Variants in CNDP1 observed in about 807,000 individuals in gnomAD.
CNDP1 encodes carnosine dipeptidase 1.
In CNDP1, 44 loss-of-function variants were observed where a neutral mutation model predicts 58.1. The ratio of observed to expected loss-of-function variants is 0.76; its 90% CI spans 0.60 to 0.97. The LOEUF is 0.97. Ranked by LOEUF, CNDP1 falls within the 50% of genes least tolerant of loss-of-function variation. The pLI is 0.00. For synonymous variants in CNDP1, 254 were observed against 252.6 expected (o/e 1.01, Z -0.05); for missense variants, 616 against 655.1 (o/e 0.94, Z 0.65).
chr18:74,583,858 T>G (rs1217992629), intron 11 of CNDP1, 150 bp downstream of exon 11: 3 of 773,630 alleles, frequency 3.9e-6, no homozygotes, highest in Non-Finnish European at 4.1e-6. Context: ...TTCCTCACAG[T>G]TCTGGAGCCT....
At chr18:74,546,500 G>A (rs577173595) in intron 1 of CNDP1, among the ~76,000 whole-genome samples, 6 of 152,154 alleles carry the variant, frequency 3.9e-5, no homozygotes, top group East Asian at 1.9e-4. Flanking sequence ...GTACTGTCTC[G>A]TGCCACCCCC....
chr18:74,572,790 C>CAAAAAAAAAA (rs56059264), intron 7 of CNDP1, among the ~76,000 whole-genome samples: 13 of 60,060 alleles, frequency 2.2e-4, no homozygotes, highest in Admixed American at 4.1e-4. Context: ...GACCCTGTAT[C>CAAAAAAAAAA]AAAAAAAAAA....
intron 1 of CNDP1, among the ~76,000 whole-genome samples, chr18:74,550,418 T>A (rs555547913): frequency 1.3e-5 from 2 of 152,296 alleles, no homozygotes; most frequent in East Asian, 3.9e-4. Context: ...ATTTACCCAA[T>A]GCCTCTACCC....
At chr18:74,575,637 G>A (rs960406926) in intron 7 of CNDP1, among the ~76,000 whole-genome samples, 4 of 152,096 alleles carry the variant, frequency 2.6e-5, no homozygotes, top group African/African-American at 9.7e-5. Flanking sequence ...TGTATACAGG[G>A]GATTTTGTGG....
At chr18:74,567,751 A>C (rs1295149825) in intron 6 of CNDP1, among the ~76,000 whole-genome samples, 4 of 152,168 alleles carry the variant, frequency 2.6e-5, no homozygotes, top group African/African-American at 9.7e-5. Flanking sequence ...AGCCACAGGG[A>C]GGTAAGCAGA....
intron 2 of CNDP1, among the ~76,000 whole-genome samples, chr18:74,557,104 G>C (rs1981063389): frequency 6.6e-6 from 1 of 152,036 alleles, no homozygotes; most frequent in Non-Finnish European, 1.5e-5. Context: ...TTTCAGTAGA[G>C]ACGGGATTTC....
chr18:74,539,604 C>T (rs1568289771), intron 1 of CNDP1, among the ~76,000 whole-genome samples: 1 of 152,228 alleles, frequency 6.6e-6, no homozygotes, highest in Non-Finnish European at 1.5e-5. Context: ...CATGGGCCCC[C>T]AAGCACCACC....
intron 1 of CNDP1, among the ~76,000 whole-genome samples, chr18:74,553,127 G>A (rs1202826565): frequency 6.6e-6 from 1 of 152,100 alleles, no homozygotes; most frequent in Non-Finnish European, 1.5e-5. Flanking sequence ...TTTTAATTGG[G>A]CTGTCTTTTA....
chr18:74,578,199 C>G lies in CNDP1; in HGVS notation c.1039C>G (p.Leu347Val), dbSNP rs1981681610. Residue 347 changes from leucine to valine, a missense_variant, in exon 9 of 12, where the codon CTT (leucine) becomes GTT (valine). By Grantham distance (32) the Leu-to-Val change is conservative (BLOSUM62 1). Transcript: ENST00000358821. ...AATGCACCTCTGGAGGTACCCATCT[C>G]TTTCTATTCATGGGATCGAGGGCGC... is the stretch of plus-strand genomic sequence containing the variant. ...ILMHLWRYPS[L>V]SIHGIEGAFD... 5 of 1,613,948 alleles carry G rather than the reference C, an allele frequency of 3.1e-6. No homozygotes were observed. The Middle Eastern group carries it at 6.6e-4, about 213-fold the overall frequency.
At chr18:74,578,087 G>GTAT (rs2144576591) in intron 8 of CNDP1, 76 bp from the exon 9 acceptor site, 1 of 1,329,274 alleles carries the variant, frequency 7.5e-7, no homozygotes, top group South Asian at 1.4e-5. Flanking sequence ...CAGAGAGGCA[G>GTAT]AGGGTGGTAA....
chr18:74,580,289 T>G lies in CNDP1; in HGVS notation c.1309+18T>G. 1 of 1,613,466 alleles carries G rather than the reference T, an allele frequency of 6.2e-7. No homozygotes were observed. The highest frequency in any genetic ancestry group is 8.5e-7 in the Non-Finnish European group (1 of 1,179,450). On this transcript the variant is annotated intron_variant, in intron 10 of 11. Transcript: ENST00000358821. ...CAGAACAGGTGGGACCTTAAGATCT[T>G]CTGACTGGCCAATCTGCACTGGGAC...
At chr18:74,568,781 T>A (rs1981394748) in intron 6 of CNDP1, among the ~76,000 whole-genome samples, 1 of 151,774 alleles carries the variant, frequency 6.6e-6, no homozygotes, top group East Asian at 1.9e-4. Flanking sequence ...AGAGAAGGGA[T>A]GGGAGGATGA....
chr18:74,547,789 C>T (rs146984594), intron 1 of CNDP1, among the ~76,000 whole-genome samples: 83 of 152,272 alleles, frequency 5.5e-4, no homozygotes, highest in Middle Eastern at 3.4e-3. Flanking sequence ...CCTCTCGCTT[C>T]GGGGGAAGGA....
intron 1 of CNDP1, among the ~76,000 whole-genome samples, chr18:74,542,556 T>C (rs1271768405): frequency 6.6e-6 from 1 of 151,970 alleles, no homozygotes; most frequent in Non-Finnish European, 1.5e-5. Context: ...CCCATCCACT[T>C]CAAGCAAAGC....
At chr18:74,571,884 G>A (rs72981726) in intron 7 of CNDP1, among the ~76,000 whole-genome samples, 3,123 of 152,230 alleles carry the variant, frequency 0.021, 36 homozygotes, top group South Asian at 0.07. Context: ...CCACCTGTAC[G>A]ACCTTGGTAA....
chr18:74,584,836 G>A lies in CNDP1; in HGVS notation c.*274G>A. 1 of 394,732 alleles carries A rather than the reference G, an allele frequency of 2.5e-6. No individual in the cohort carries two copies. 24.5% of individuals were successfully genotyped at this position (394,732 alleles called of 1,614,324 possible). A position where few individuals can be genotyped will look rare whatever the true frequency, so the allele number is the denominator to read the frequency against. On this transcript the variant is annotated 3_prime_UTR_variant, in exon 12 of 12. Coordinates refer to ENST00000358821, the MANE Select transcript of CNDP1 (RefSeq NM_032649.6). The stretch of plus-strand genomic sequence containing the variant: ...CCCAAGTCCTGTGCAATAGCCCCAG[G>A]ATTGGATTCCTTCAAACCTTTTAGC...
chr18:74,560,268 C>A (rs1981154688), intron 3 of CNDP1, among the ~76,000 whole-genome samples: 1 of 152,226 alleles, frequency 6.6e-6, no homozygotes, highest in South Asian at 2.1e-4. Context: ...CCCGCCTTGG[C>A]TTCCCAAAGT....
At chr18:74,570,033 CAAA>C (rs56365298) in intron 6 of CNDP1, among the ~76,000 whole-genome samples, 1 of 94,128 alleles carries the variant, frequency 1.1e-5, no homozygotes, top group Non-Finnish European at 2.0e-5. Context: ...GAAGAAAATA[CAAA>C]AAAAAAAAAA....
rs117242683 is a variant in CNDP1, at chr18:74,580,031, T to C, written c.1168-99T>C. 225 of 1,032,574 alleles carry C rather than the reference T, an allele frequency of 2.2e-4. 1 individual carries two copies. In the East Asian group the frequency reaches 4.1e-3, roughly 19 times the overall value. 64.0% of individuals were successfully genotyped at this position (1,032,574 alleles called of 1,614,324 possible). ...TTCAGTTTCTTGATGGAAGAGGCTA[T>C]ATTAACTGTACTAATCAGTTTCTTG... On this transcript the variant is annotated intron_variant, in intron 9 of 11. Coordinates refer to ENST00000358821, the MANE Select transcript of CNDP1 (RefSeq NM_032649.6).
Sources: gnomAD v4.1 joint callset for allele counts (sites outside exome capture counted in the v4.1 genomes callset) on GRCh38, gnomAD v4.1.1 for gene constraint, MANE v1.5 for transcripts, NCBI Gene and HGNC (gene_info 2026-07-23, HGNC 2026-07-21) for gene names.